Variants in FAT3 observed in about 807,000 individuals in gnomAD.
The protein encoded by FAT3 is protocadherin Fat 3.
FAT3 carries 95 observed loss-of-function variants against 310.2 expected under a neutral mutation model. The ratio of observed to expected loss-of-function variants is 0.31; its 90% CI spans 0.26 to 0.36. FAT3 has a LOEUF of 0.36. Among genes scored for constraint, FAT3 ranks in the 10% least tolerant of loss-of-function variants. The pLI, the probability that FAT3 is intolerant of heterozygous loss-of-function variation, is 1.00. For synonymous variants in FAT3, 2,314 were observed against 2,192.9 expected (o/e 1.06, Z -1.54); for missense variants, 5,408 against 5,715.6 (o/e 0.95, Z 1.74).
At chr11:92,709,271 A>T (rs2135943636) in intron 4 of FAT3, among the ~76,000 whole-genome samples, 1 of 152,308 alleles carries the variant, frequency 6.6e-6, no homozygotes, top group Middle Eastern at 3.4e-3. Context: ...TTTATGTTTC[A>T]TTCAAATGTC....
chr11:92,353,252 G>A lies in FAT3; in HGVS notation c.1140G>A (p.Val380=). ...TCCCCATTAGATTTGAAAAAGAAGT[G>A]TACGATGTGAGCATAAGTGAATTTT... ...DTVPIRFEKE[V]YDVSISEFSP... Residue 380 remains valine, a synonymous_variant, in exon 2 of 28, where the codon GTG becomes GTA. Coordinates refer to ENST00000525166, the MANE Select transcript of FAT3 (RefSeq NM_001367949.2). 1 of 1,613,632 alleles carries A rather than the reference G, an allele frequency of 6.2e-7. No individual in the cohort carries two copies. Among genetic ancestry groups the A allele is most frequent in the East Asian group, 2.2e-5 (1 of 44,878 alleles).
intron 2 of FAT3, among the ~76,000 whole-genome samples, chr11:92,411,101 TATA>T (rs1950251712): frequency 1.8e-5 from 1 of 55,650 alleles, no homozygotes; most frequent in Non-Finnish European, 3.9e-5. Flanking sequence ...TTATATATAT[TATA>T]TATAAAAATA....
chr11:92,645,957 A>G (rs947397448), intron 3 of FAT3, among the ~76,000 whole-genome samples: 10 of 152,332 alleles, frequency 6.6e-5, no homozygotes, highest in African/African-American at 2.4e-4. Context: ...TACATCATGT[A>G]TTCTACTTCA....
chr11:92,723,985 G>A (rs1256533806), intron 4 of FAT3, among the ~76,000 whole-genome samples: 4 of 152,142 alleles, frequency 2.6e-5, no homozygotes, highest in Admixed American at 2.6e-4. Flanking sequence ...AGAGTCAAAG[G>A]TATAAAATAC....
At chr11:92,227,686 CTG>C (rs1017367174) in intron 1 of FAT3, among the ~76,000 whole-genome samples, 4 of 151,578 alleles carry the variant, frequency 2.6e-5, no homozygotes, top group South Asian at 2.1e-4. Flanking sequence ...ATTTGAGAGA[CTG>C]AGATTCTTCA....
intron 3 of FAT3, among the ~76,000 whole-genome samples, chr11:92,585,803 C>T (rs554646918): frequency 4.3e-4 from 63 of 146,516 alleles, no homozygotes; most frequent in Non-Finnish European, 3.7e-4. Context: ...CCTCTTTCTC[C>T]TCCTCCTCCT....
chr11:92,296,185 C>T (rs755276584), intron 1 of FAT3, among the ~76,000 whole-genome samples: 66 of 152,248 alleles, frequency 4.3e-4, no homozygotes, highest in Non-Finnish European at 1.6e-4. Context: ...AATTCCACTT[C>T]TAATTCCTAC....
intron 4 of FAT3, among the ~76,000 whole-genome samples, chr11:92,738,894 A>G (rs1331763686): frequency 6.6e-6 from 1 of 152,144 alleles, no homozygotes; most frequent in Non-Finnish European, 1.5e-5. Flanking sequence ...GGAAAATCAA[A>G]TGTGTTCACA....
chr11:92,323,729 G>A (rs1377573282), intron 1 of FAT3, among the ~76,000 whole-genome samples: 2 of 151,858 alleles, frequency 1.3e-5, no homozygotes, highest in African/African-American at 2.4e-5. Flanking sequence ...AATTCTTAAG[G>A]GCCCTAGATT....
At chr11:92,874,575 T>C (rs899498703) in intron 22 of FAT3, among the ~76,000 whole-genome samples, 1 of 152,220 alleles carries the variant, frequency 6.6e-6, no homozygotes, top group Non-Finnish European at 1.5e-5. Context: ...GTTTCGCTCT[T>C]GTTGCCTAGG....
chr11:92,315,228 C>G (rs1461879552), intron 1 of FAT3, among the ~76,000 whole-genome samples: 1 of 149,546 alleles, frequency 6.7e-6, no homozygotes, highest in Non-Finnish European at 1.5e-5. Flanking sequence ...AAAACAGTGC[C>G]TACTAGATCC....
chr11:92,687,868 T>C (rs1943677034), intron 3 of FAT3, among the ~76,000 whole-genome samples: 1 of 152,020 alleles, frequency 6.6e-6, no homozygotes, highest in African/African-American at 2.4e-5. Context: ...CAGGGCTTCC[T>C]GTCTTCCTTG....
Position 92,866,993 on chromosome 11 carries a change from A to G in FAT3, c.11911A>G (p.Thr3971Ala), listed in dbSNP as rs773324420. The G allele has an allele frequency of 1.9e-6, 3 of 1,609,176 alleles. No individual in the cohort carries two copies. The highest frequency in any genetic ancestry group is 1.3e-5 in the African/African-American group (1 of 74,886). Residue 3971 changes from threonine to alanine, a missense_variant, in exon 22 of 28, where the codon ACT (threonine) becomes GCT (alanine). Around this residue, in one of 5 missense-constraint regions of FAT3, gnomAD observed 4,588 missense variants for 4,809.8 expected, o/e 0.95. Coordinates refer to ENST00000525166, the MANE Select transcript of FAT3 (RefSeq NM_001367949.2). The stretch of plus-strand genomic sequence containing the variant: ...GCAAGCGGATAACATCCGCAGCCTG[A>G]CTGACACGCGGGTCACGCAGGTGCT... ...LVQADNIRSL[T>A]DTRVTQVLSG...
At chr11:92,694,360 A>C (rs1011681071) in intron 3 of FAT3, among the ~76,000 whole-genome samples, 5 of 152,102 alleles carry the variant, frequency 3.3e-5, no homozygotes, top group African/African-American at 1.2e-4. Flanking sequence ...GTGTCTTTTT[A>C]CTCCAGGAAC....
intron 4 of FAT3, among the ~76,000 whole-genome samples, chr11:92,699,228 T>A (rs1212550818): frequency 6.6e-6 from 1 of 152,178 alleles, no homozygotes; most frequent in Admixed American, 6.5e-5. Flanking sequence ...TGAAGAGAAG[T>A]TAATAAATTA....
intron 3 of FAT3, among the ~76,000 whole-genome samples, chr11:92,628,312 T>C (rs1941411968): frequency 6.6e-6 from 1 of 152,234 alleles, no homozygotes. Context: ...AAGGCCTTTT[T>C]ATAATGTTAA....
Position 92,762,190 on chromosome 11 carries a change from A to G in FAT3, c.3984+20A>G, listed in dbSNP as rs2136086852. The G allele has an allele frequency of 3.1e-6, 5 of 1,590,672 alleles. No individual in the cohort carries two copies. The highest frequency in any genetic ancestry group is 4.3e-6 in the Non-Finnish European group (5 of 1,166,826). On this transcript the variant is annotated intron_variant, in intron 5 of 27. Coordinates refer to ENST00000525166, the MANE Select transcript of FAT3 (RefSeq NM_001367949.2). Reference sequence around the variant, plus strand: ...CTAACGGTAAGATCTTCCAAACTCCAGCAGCACAGCAGATGGGGGGAAGTG... The same window carrying G: ...CTAACGGTAAGATCTTCCAAACTCCGGCAGCACAGCAGATGGGGGGAAGTG...
At chr11:92,603,988 A>G (rs114573877) in intron 3 of FAT3, among the ~76,000 whole-genome samples, 1,759 of 152,290 alleles carry the variant, frequency 0.012, 41 homozygotes, top group African/African-American at 0.04. Context: ...AAATGCTGTA[A>G]TGTGCACCAT....
At chr11:92,244,457 G>C (rs1864810277) in intron 1 of FAT3, among the ~76,000 whole-genome samples, 1 of 152,086 alleles carries the variant, frequency 6.6e-6, no homozygotes, top group Admixed American at 6.6e-5. Flanking sequence ...AAGGTATTGA[G>C]AAAGGTTTTG....
Sources: allele counts gnomAD v4.1 joint callset (sites outside exome capture counted in the v4.1 genomes callset), GRCh38; gene constraint gnomAD v4.1.1; regional missense constraint gnomAD v4.1.1; transcripts MANE v1.5; gene names NCBI Gene and HGNC (gene_info 2026-07-23, HGNC 2026-07-21).